Variants in SF1 observed in about 807,000 individuals in gnomAD.
The protein encoded by SF1 is splicing factor 1.
Under a neutral mutation model 62.5 loss-of-function variants are expected in SF1, and 7 were observed. The ratio of observed to expected loss-of-function variants is 0.11; its 90% CI spans 0.06 to 0.21. The LOEUF is 0.21. Ranked by LOEUF, SF1 falls within the 10% of genes least tolerant of loss-of-function variation. The pLI, the probability that SF1 is intolerant of heterozygous loss-of-function variation, is 1.00. For missense variants in SF1, 578 were observed against 884.0 expected, an observed-to-expected ratio of 0.65 and a Z score of 4.39; for synonymous variants, 394 against 323.6, an observed-to-expected ratio of 1.22 and a Z score of -2.33.
At chr11:64,775,457 T>C (rs989472602) in intron 2 of SF1, among the ~76,000 whole-genome samples, 2 of 152,136 alleles carry the variant, frequency 1.3e-5, no homozygotes, top group African/African-American at 2.4e-5. Context: ...ACAGGAACAG[T>C]AGGGGAAAGA....
intron 8 of SF1, 73 bp from the exon 9 acceptor site, chr11:64,768,359 A>G (rs1311930873): frequency 7.0e-7 from 1 of 1,418,514 alleles, no homozygotes; most frequent in Non-Finnish European, 9.8e-7. Flanking sequence ...ATCCTGAGGA[A>G]CCAACATATG....
Position 64,778,459 on chromosome 11 carries a change from C to G in SF1, c.-67G>C. 2.5e-6 allele frequency: 3 copies of G among 1,214,034 alleles called. No individual in the cohort carries two copies. The highest frequency in any genetic ancestry group is 3.1e-6 in the Non-Finnish European group (3 of 975,378). 75.2% of individuals were successfully genotyped at this position (1,214,034 alleles called of 1,614,324 possible). Reference sequence around the variant, plus strand: ...CGGCGGCTTCTCCTTCGCAAGCCTCCCGGGGGGAGGGGACCCGAATGCGCT... The same window carrying G: ...CGGCGGCTTCTCCTTCGCAAGCCTCGCGGGGGGAGGGGACCCGAATGCGCT... On this transcript the variant is annotated 5_prime_UTR_variant, in exon 1 of 13. Coordinates refer to ENST00000377390, the MANE Select transcript of SF1 (RefSeq NM_004630.4).
At chr11:64,777,053 C>T (rs1309106554) in intron 1 of SF1, among the ~76,000 whole-genome samples, 1 of 152,200 alleles carries the variant, frequency 6.6e-6, no homozygotes, top group Non-Finnish European at 1.5e-5. Context: ...ACTCCCCTCA[C>T]CAGTCACTTT....
rs967660463 is a variant in SF1, at chr11:64,767,076, A to G, written c.1406T>C (p.Met469Thr). 1 of 1,593,776 alleles carries G rather than the reference A, an allele frequency of 6.3e-7. No homozygotes were observed. The highest frequency in any genetic ancestry group is 8.6e-7 in the Non-Finnish European group (1 of 1,168,134). Reference protein sequence around the residue: ...GVYRLHQGKGMMPPPPMGMMP... With the variant: ...GVYRLHQGKGTMPPPPMGMMP... ...CATGCCCATAGGTGGTGGCGGCATC[A>G]TACCTGTGGACAGGTGGAGGCAAAG... Residue 469 changes from methionine (M) to threonine (T), a missense_variant, in exon 12 of 13, where the codon ATG becomes ACG. Physicochemically the swap from Met to Thr is moderately conservative, Grantham distance 81 (BLOSUM62 -1). Transcript: ENST00000377390.
intron 1 of SF1, among the ~76,000 whole-genome samples, chr11:64,777,216 T>C (rs1011400426): frequency 6.6e-6 from 1 of 152,140 alleles, no homozygotes; most frequent in Non-Finnish European, 1.5e-5. Flanking sequence ...TCTGAACTCT[T>C]AAAAGGATCT....
rs1289838106 is a variant in SF1 at position 64,765,115 on chromosome 11, GTGGCTA to G, written c.*697_*702del. The G allele has an allele frequency of 4.5e-6, 1 of 221,278 alleles. No individual in the cohort carries two copies. Among genetic ancestry groups the G allele is most frequent in the African/African-American group, 2.3e-5 (1 of 43,648 alleles). The allele number at this position is 221,278 out of a possible 1,614,324, so 13.7% of individuals were successfully genotyped here. On this transcript the variant is annotated 3_prime_UTR_variant, in exon 13 of 13. Transcript: ENST00000377390. ...ACGCTTTAAACAAACATCTTTGGGGGTGGCTATGGCACCTTGAAAAACCCACAACCA... is the reference window on the plus strand; with the variant it reads ...ACGCTTTAAACAAACATCTTTGGGGGTGGCACCTTGAAAAACCCACAACCA...
intron 1 of SF1, 34 bp downstream of exon 1, chr11:64,778,328 G>A: frequency 8.2e-7 from 1 of 1,224,898 alleles, no homozygotes; most frequent in Non-Finnish European, 1.0e-6. Context: ...TTTGGGCCCG[G>A]GGAGCGGGGG....
chr11:64,777,068 CGA>C (rs952280114), intron 1 of SF1, among the ~76,000 whole-genome samples: 20 of 152,192 alleles, frequency 1.3e-4, no homozygotes, highest in African/African-American at 4.8e-4. Context: ...CACTTTTGTA[CGA>C]GAGGCCGGAC....
intron 2 of SF1, among the ~76,000 whole-genome samples, chr11:64,773,722 A>T (rs1448461845): frequency 6.6e-6 from 1 of 152,212 alleles, no homozygotes; most frequent in Non-Finnish European, 1.5e-5. Flanking sequence ...TTATCACTTA[A>T]GGAAGCAAAC....
In SF1 at chr11:64,768,136, A is replaced by G. The variant is rs749714318; in HGVS notation, c.1038T>C (p.Pro346=). ...ATTPLASAPR[P]AAPANNPPPP... The stretch of plus-strand genomic sequence containing the variant: ...GAGGTGGGTTGTTGGCGGGAGCAGC[A>G]GGACGAGGTGCGCTGGCCAGGGGTG... Residue 346 remains proline, a synonymous_variant, in exon 9 of 13, where the codon CCT becomes CCC. Coordinates refer to ENST00000377390, the MANE Select transcript of SF1 (RefSeq NM_004630.4). 20 of 1,611,930 alleles carry G rather than the reference A, an allele frequency of 1.2e-5. No homozygotes were observed. Among genetic ancestry groups the G allele is most frequent in the Non-Finnish European group, 1.4e-5 (17 of 1,179,030 alleles).
chr11:64,773,343 G>A, intron 3 of SF1, 87 bp downstream of exon 3: 2 of 1,550,500 alleles, frequency 1.3e-6, no homozygotes, highest in East Asian at 4.7e-5. Flanking sequence ...TGATTTTATT[G>A]AACTGACACA....
chr11:64,766,858 C>T (rs1215953451), intron 12 of SF1, 42 bp downstream of exon 12: 3 of 609,306 alleles, frequency 4.9e-6, no homozygotes, highest in African/African-American at 1.8e-5. Flanking sequence ...CAGCCCCACC[C>T]CCATCCCACC....
rs910731740 is a variant in SF1, at chr11:64,769,668, G to C, written c.480-59C>G. ...ACAAATTCACACTCAAGAGGGAAGA[G>C]AGGCTGGACCAATTTGGCATTGGTG... On this transcript the variant is annotated intron_variant, in intron 5 of 12. Transcript: ENST00000377390. 2.2e-5 allele frequency: 33 copies of C among 1,491,322 alleles called. No homozygotes were observed. In the South Asian group the frequency reaches 3.0e-4, roughly 14 times the overall value. The allele number at this position is 1,491,322 out of a possible 1,614,324, so 92.4% of individuals were successfully genotyped here.
intron 10 of SF1, 88 bp from the exon 11 acceptor site, chr11:64,767,339 A>G: frequency 7.5e-7 from 1 of 1,334,482 alleles, no homozygotes; most frequent in Non-Finnish European, 1.1e-6. Flanking sequence ...TGCTATCCTT[A>G]CGCGAGTTCT....
At chr11:64,766,742 C>T in intron 12 of SF1, 158 bp downstream of exon 12, 1 of 525,926 alleles carries the variant, frequency 1.9e-6, no homozygotes, top group Non-Finnish European at 3.2e-6. Flanking sequence ...TCAAGATGCC[C>T]CTCCACCCCC....
At chr11:64,777,087 T>C (rs908329951) in intron 1 of SF1, among the ~76,000 whole-genome samples, 1 of 152,190 alleles carries the variant, frequency 6.6e-6, no homozygotes, top group Admixed American at 6.5e-5. Flanking sequence ...GGACCACAAC[T>C]AAACCTAGTT....
chr11:64,765,138 C>A lies in SF1; in HGVS notation c.*680G>T. On this transcript the variant is annotated 3_prime_UTR_variant, in exon 13 of 13. Coordinates refer to ENST00000377390, the MANE Select transcript of SF1 (RefSeq NM_004630.4). ...GGGTGGCTATGGCACCTTGAAAAACCCACAACCAGCTTGACATGAATGGCC... is the reference window on the plus strand; with the variant it reads ...GGGTGGCTATGGCACCTTGAAAAACACACAACCAGCTTGACATGAATGGCC... The A allele has an allele frequency of 3.7e-6, 1 of 268,786 alleles. No individual in the cohort carries two copies. The highest frequency in any genetic ancestry group is 1.0e-4 in the South Asian group (1 of 9,794). The allele number at this position is 268,786 out of a possible 1,614,324, so 16.7% of individuals were successfully genotyped here.
rs771691894 is a variant in SF1, at chr11:64,765,466, G to A, written c.*352C>T. On this transcript the variant is annotated 3_prime_UTR_variant, in exon 13 of 13. Coordinates refer to ENST00000377390, the MANE Select transcript of SF1 (RefSeq NM_004630.4). ...CTGCCTGGAAGGGTCACCAATGGGC[G>A]CGGAAAGTCCTCACTCTCATGGCTC... 5.6e-6 allele frequency: 9 copies of A among 1,613,132 alleles called. No homozygotes were observed. The highest frequency in any genetic ancestry group is 2.7e-5 in the African/African-American group (2 of 74,900).
chr11:64,768,418 C>G (rs1213231011), intron 8 of SF1, 132 bp from the exon 9 acceptor site: 1 of 800,318 alleles, frequency 1.2e-6, no homozygotes, highest in Non-Finnish European at 2.0e-6. Context: ...TCTTTCTAAC[C>G]CCTTACTGGG....
Sources: gnomAD v4.1 joint callset for allele counts (sites outside exome capture counted in the v4.1 genomes callset) on GRCh38, gnomAD v4.1.1 for gene constraint, MANE v1.5 for transcripts, NCBI Gene and HGNC (gene_info 2026-07-23, HGNC 2026-07-21) for gene names.